DNAH8: variants seen among roughly 807,000 people sequenced by gnomAD.
DNAH8 encodes axonemal beta dynein heavy chain 8.
A neutral mutation model predicts 562.1 loss-of-function variants in DNAH8; 382 were observed. The ratio of observed to expected loss-of-function variants is 0.68; its 90% CI spans 0.63 to 0.74. The LOEUF is 0.74. DNAH8 is among the 30% of genes least tolerant of loss of function. The pLI is 0.00. For synonymous variants in DNAH8, 1,881 were observed against 1,919.4 expected (o/e 0.98, Z 0.52); for missense variants, 5,203 against 5,620.4 (o/e 0.93, Z 2.37).
Position 38,719,670 on chromosome 6 carries a change from G to T in DNAH8, c.-34-3106G>T, listed in dbSNP as rs996524224. On this transcript the variant is annotated intron_variant, in intron 1 of 92. Transcript: ENST00000327475. ...CAGGGCTTCTCCAGAGACCTGGAGG[G>T]GGTGTAGCTAATGCAGCTGATCATT... Among the ~76,000 whole-genome samples, 8 of 152,294 alleles carry T rather than the reference G, an allele frequency of 5.3e-5. No homozygotes were observed. In the South Asian group the frequency reaches 1.0e-3, roughly 20 times the overall value.
chr6:38,790,353 T>C lies in DNAH8; in HGVS notation c.2729T>C (p.Phe910Ser). 6.2e-7 allele frequency: 1 copy of C among 1,608,934 alleles called. No individual in the cohort carries two copies. Among genetic ancestry groups the C allele is most frequent in the Non-Finnish European group, 8.5e-7 (1 of 1,178,478 alleles). ...TGGTCGTCTTTAACACTGGAAAGCT[T>C]CTTTCAAGAAGTCGAATTAGTTTTG... ...LTWSSLTLES[F>S]FQEVELVLDM... Residue 910 changes from phenylalanine (F) to serine (S), a missense_variant, in exon 20 of 93, where the codon TTC becomes TCC. Around this residue, in one of 6 missense-constraint regions of DNAH8, gnomAD observed 2,176 missense variants for 2,365.1 expected, o/e 0.92. Transcript: ENST00000327475.
rs567337198 is a variant in DNAH8 at position 38,721,000 on chromosome 6, TCAGA to T, written c.-34-1772_-34-1769del. Among the ~76,000 whole-genome samples the T allele has an allele frequency of 1.5e-4, 23 of 152,218 alleles. No homozygotes were observed. In the East Asian group the frequency reaches 3.9e-3, roughly 26 times the overall value. ...TCAAGCAAAGAAAGAATCACTGAAC[TCAGA>T]CAGGTTGTTTGAAAATGTGCAGAGG... On this transcript the variant is annotated intron_variant, in intron 1 of 92. Coordinates refer to ENST00000327475, the MANE Select transcript of DNAH8 (RefSeq NM_001206927.2).
chr6:38,816,105 A>G (rs185805445), intron 26 of DNAH8, among the ~76,000 whole-genome samples: 1 of 151,694 alleles, frequency 6.6e-6, no homozygotes, highest in Admixed American at 6.6e-5. Context: ...TCTAGGGTAC[A>G]TGTGCAGGAT....
intron 25 of DNAH8, among the ~76,000 whole-genome samples, chr6:38,815,090 C>CA (rs1772123515): frequency 1.3e-5 from 2 of 152,204 alleles, no homozygotes; most frequent in Non-Finnish European, 2.9e-5. Flanking sequence ...GTAGCTTCTT[C>CA]AGTTACTTTG....
At chr6:38,820,275 T>G (rs1001636198) in intron 26 of DNAH8, among the ~76,000 whole-genome samples, 1 of 152,174 alleles carries the variant, frequency 6.6e-6, no homozygotes, top group African/African-American at 2.4e-5. Flanking sequence ...GAAATACTCA[T>G]GTTTATGAAA....
chr6:38,896,169 C>G lies in DNAH8; in HGVS notation c.8884C>G (p.Pro2962Ala), dbSNP rs762468209. The G allele has an allele frequency of 4.3e-6, 7 of 1,613,726 alleles. No individual in the cohort carries two copies. The highest frequency in any genetic ancestry group is 5.9e-6 in the Non-Finnish European group (7 of 1,179,896). ...GGATTTTCTTCGTGAGATGCCAGAA[C>G]CAACTGGTGATGAACCTGAAGACTC... ...FVDFLREMPE[P>A]TGDEPEDSVF... Residue 2962 changes from proline (P) to alanine (A), a missense_variant, in exon 60 of 93, where the codon CCA (proline) becomes GCA (alanine). Physicochemically the swap from Pro to Ala is conservative, Grantham distance 27. This residue lies in a region of DNAH8 where 977 missense variants were observed against 1,061.8 expected (regional missense o/e 0.92). Coordinates refer to ENST00000327475, the MANE Select transcript of DNAH8 (RefSeq NM_001206927.2).
chr6:38,811,131 T>G (rs1771755561), intron 24 of DNAH8, among the ~76,000 whole-genome samples: 1 of 152,240 alleles, frequency 6.6e-6, no homozygotes, highest in Admixed American at 6.5e-5. Context: ...TTTGAGGGTT[T>G]ATAGCTTTCC....
chr6:38,737,392 A>T (rs932215322), intron 6 of DNAH8, 136 bp downstream of exon 6: 2 of 474,004 alleles, frequency 4.2e-6, no homozygotes, highest in Non-Finnish European at 3.4e-6. Context: ...CAAGAAATGA[A>T]ATCATTAGAA....
intron 78 of DNAH8, 112 bp downstream of exon 78, chr6:38,938,338 C>T: frequency 8.0e-7 from 1 of 1,245,610 alleles, no homozygotes; most frequent in South Asian, 1.4e-5. Context: ...ATGGAATCAA[C>T]CTAAATGCCC....
Position 38,909,593 on chromosome 6 carries a change from C to T in DNAH8, c.9589C>T (p.Arg3197Cys), listed in dbSNP as rs375494581. ...ISGCTMDWFS[R>C]WPREALIAVA... Reference sequence around the variant, plus strand: ...AGGTTGCACTATGGACTGGTTCAGCCGCTGGCCAAGGGAGGCTCTGATTGC... The same window carrying T: ...AGGTTGCACTATGGACTGGTTCAGCTGCTGGCCAAGGGAGGCTCTGATTGC... Residue 3197 changes from arginine (R) to cysteine (C), a missense_variant, in exon 65 of 93, where the codon CGC (arginine) becomes TGC (cysteine). Physicochemically the swap from Arg to Cys is radical, Grantham distance 180 (BLOSUM62 -3). Around this residue, in one of 6 missense-constraint regions of DNAH8, gnomAD observed 977 missense variants for 1,061.8 expected, o/e 0.92. Transcript: ENST00000327475. 3.1e-5 allele frequency: 50 copies of T among 1,614,014 alleles called. No individual in the cohort carries two copies. Among genetic ancestry groups the T allele is most frequent in the Admixed American group, 1.7e-4 (10 of 59,998 alleles).
At chr6:38,732,511 A>G (rs1763729450) in intron 4 of DNAH8, among the ~76,000 whole-genome samples, 1 of 152,208 alleles carries the variant, frequency 6.6e-6, no homozygotes, top group African/African-American at 2.4e-5. Context: ...AGCAACAGAA[A>G]TAGGTCTGGC....
At chr6:39,011,243 G>A (rs1037619028) in intron 89 of DNAH8, among the ~76,000 whole-genome samples, 2 of 152,288 alleles carry the variant, frequency 1.3e-5, no homozygotes, top group African/African-American at 4.8e-5. Context: ...ATAAAAGGAG[G>A]AGAATGGTTC....
chr6:38,871,761 G>A (rs1777481510), intron 49 of DNAH8, among the ~76,000 whole-genome samples: 1 of 152,118 alleles, frequency 6.6e-6, no homozygotes, highest in Admixed American at 6.5e-5. Flanking sequence ...GCTTCTAATA[G>A]CAAAAGGAGG....
chr6:38,749,707 C>T lies in DNAH8; in HGVS notation c.1294-769C>T, dbSNP rs187289791. On this transcript the variant is annotated intron_variant, in intron 8 of 92. Transcript: ENST00000327475. Reference sequence around the variant, plus strand: ...AAACTATACAGATGAGCAGAGATTACAGGAAGAACTTTCTCATAATCAGTT... The same window carrying T: ...AAACTATACAGATGAGCAGAGATTATAGGAAGAACTTTCTCATAATCAGTT... Among the ~76,000 whole-genome samples, 46 of 152,288 alleles carry T rather than the reference C, an allele frequency of 3.0e-4. No individual in the cohort carries two copies. The East Asian group carries it at 5.0e-3, about 17-fold the overall frequency.
chr6:38,806,287 A>T (rs1771266904), intron 23 of DNAH8, among the ~76,000 whole-genome samples: 1 of 152,138 alleles, frequency 6.6e-6, no homozygotes, highest in Admixed American at 6.5e-5. Flanking sequence ...ACACAATCTG[A>T]TGCAGTTTTA....
At chr6:38,976,357 A>G (rs1233115541) in intron 85 of DNAH8, among the ~76,000 whole-genome samples, 1 of 152,176 alleles carries the variant, frequency 6.6e-6, no homozygotes, top group Non-Finnish European at 1.5e-5. Context: ...AGTGTAGGTA[A>G]TTCTTTTTCA....
rs201157889 is a variant in DNAH8, at chr6:38,909,710, A to G, written c.9706A>G (p.Met3236Val). 89 of 1,614,012 alleles carry G rather than the reference A, an allele frequency of 5.5e-5. No individual in the cohort carries two copies. Among genetic ancestry groups the G allele is most frequent in the Non-Finnish European group, 6.4e-5 (76 of 1,179,978 alleles). The change falls in exon 65 of 93, where the codon ATG (methionine) becomes GTG (valine). Residue 3236 changes from methionine (M) to valine (V), a missense_variant. Around this residue, in one of 6 missense-constraint regions of DNAH8, gnomAD observed 977 missense variants for 1,061.8 expected, o/e 0.92. Coordinates refer to ENST00000327475, the MANE Select transcript of DNAH8 (RefSeq NM_001206927.2). Reference protein sequence around the residue: ...VVETMGLFHDMVSESCESYFQ... With the variant: ...VVETMGLFHDVVSESCESYFQ... ...AGAAACAATGGGCCTGTTTCATGAC[A>G]TGGTTTCAGAGAGCTGTGAAAGTTA... is the stretch of plus-strand genomic sequence containing the variant.
intron 88 of DNAH8, among the ~76,000 whole-genome samples, chr6:38,990,453 T>C (rs1040916456): frequency 1.3e-5 from 2 of 152,206 alleles, no homozygotes; most frequent in African/African-American, 4.8e-5. Context: ...TTGGTGTTAG[T>C]GGTAGCAGTG....
At chr6:38,719,195 G>A (rs1444710761) in intron 1 of DNAH8, among the ~76,000 whole-genome samples, 1 of 152,218 alleles carries the variant, frequency 6.6e-6, no homozygotes. Flanking sequence ...TACATTAGCT[G>A]TGGTTGCTGA....
Sources: gnomAD v4.1 joint callset for allele counts (sites outside exome capture counted in the v4.1 genomes callset) on GRCh38, gnomAD v4.1.1 for gene constraint, gnomAD v4.1.1 regional missense constraint, MANE v1.5 for transcripts, NCBI Gene and HGNC (gene_info 2026-07-23, HGNC 2026-07-21) for gene names.